The following SEMA6D variants were observed in gnomAD, a reference collection of about 807,000 sequenced individuals.
SEMA6D encodes the protein semaphorin-6D.
Under a neutral mutation model 106.6 loss-of-function variants are expected in SEMA6D, and 35 were observed. The ratio of observed to expected loss-of-function variants is 0.33; its 90% CI spans 0.25 to 0.44. The LOEUF (loss-of-function observed/expected upper bound fraction) is 0.44, where lower values mean the gene tolerates loss of function less well. Among genes scored for constraint, SEMA6D ranks in the 20% least tolerant of loss-of-function variants. The probability of loss-of-function intolerance (pLI) is 1.00; values close to 1 mark genes in which losing one functional copy is unlikely to be tolerated. For missense variants in SEMA6D, 1,185 were observed against 1,345.9 expected (o/e 0.88, Z 1.87); for synonymous variants, 499 against 487.7 (o/e 1.02, Z -0.31).
intron 1 of SEMA6D, among the ~76,000 whole-genome samples, chr15:47,274,554 TGAAAA>T (rs1291283095): frequency 1.3e-5 from 2 of 152,044 alleles, no homozygotes; most frequent in Non-Finnish European, 2.9e-5. Flanking sequence ...TAAGAAAAGT[TGAAAA>T]GGAATCAGAG....
At chr15:47,277,833 A>G (rs111485765) in intron 1 of SEMA6D, among the ~76,000 whole-genome samples, 60,314 of 147,024 alleles carry the variant, frequency 0.41, 15,197 homozygotes, top group Non-Finnish European at 0.56. Flanking sequence ...TCATTGTTCA[A>G]TTCCCACCTA....
intron 1 of SEMA6D, among the ~76,000 whole-genome samples, chr15:47,321,332 A>G (rs778125519): frequency 8.3e-4 from 127 of 152,300 alleles, no homozygotes; most frequent in African/African-American, 2.8e-3. Context: ...AGTGACTAAT[A>G]TGAAATATTT....
intron 4 of SEMA6D, among the ~76,000 whole-genome samples, chr15:47,668,938 G>A (rs904150677): frequency 1.3e-5 from 2 of 152,050 alleles, no homozygotes; most frequent in Non-Finnish European, 2.9e-5. Context: ...TCTTTTTGTT[G>A]CCTCTCCTTT....
At chr15:47,543,573 A>G (rs951746533) in intron 3 of SEMA6D, among the ~76,000 whole-genome samples, 18 of 152,150 alleles carry the variant, frequency 1.2e-4, no homozygotes, top group Non-Finnish European at 4.4e-5. Flanking sequence ...TAGCAGCATG[A>G]CAACAAACTA....
chr15:47,235,264 A>C (rs981084570), intron 1 of SEMA6D, among the ~76,000 whole-genome samples: 2 of 151,906 alleles, frequency 1.3e-5, no homozygotes, highest in African/African-American at 4.8e-5. Context: ...CATAATTTGC[A>C]AATATTTTCT....
intron 3 of SEMA6D, among the ~76,000 whole-genome samples, chr15:47,484,409 G>A (rs1325773569): frequency 1.3e-5 from 2 of 151,464 alleles, no homozygotes; most frequent in East Asian, 3.9e-4. Context: ...TGTGCCAGCA[G>A]TAGCAAGGCA....
chr15:47,245,761 CTGTT>C (rs2033160941), intron 1 of SEMA6D, among the ~76,000 whole-genome samples: 1 of 152,070 alleles, frequency 6.6e-6, no homozygotes, highest in Admixed American at 6.6e-5. Flanking sequence ...TTTCAGAGAT[CTGTT>C]TGTATCCTGA....
intron 1 of SEMA6D, among the ~76,000 whole-genome samples, chr15:47,361,709 C>G (rs573272346): frequency 1.3e-5 from 2 of 152,306 alleles, no homozygotes; most frequent in South Asian, 2.1e-4. Flanking sequence ...CAATCTGCCT[C>G]CCTCGCACAT....
chr15:47,322,299 A>G (rs1393645064), intron 1 of SEMA6D, among the ~76,000 whole-genome samples: 1 of 144,976 alleles, frequency 6.9e-6, no homozygotes, highest in Admixed American at 6.9e-5. Flanking sequence ...TTTTTTGCCT[A>G]ATGTCATTTT....
At chr15:47,306,986 G>A (rs1404616283) in intron 1 of SEMA6D, among the ~76,000 whole-genome samples, 1 of 152,186 alleles carries the variant, frequency 6.6e-6, no homozygotes, top group Non-Finnish European at 1.5e-5. Context: ...AAGTACACAA[G>A]CATAACATTA....
At chr15:47,738,928 A>G (rs1483676775) in intron 1 of SEMA6D, among the ~76,000 whole-genome samples, 2 of 152,188 alleles carry the variant, frequency 1.3e-5, no homozygotes, top group Non-Finnish European at 2.9e-5. Context: ...GGGCTCAGCT[A>G]GGGCTGACAG....
intron 1 of SEMA6D, among the ~76,000 whole-genome samples, chr15:47,327,121 TC>T (rs2143920529): frequency 6.6e-6 from 1 of 152,276 alleles, no homozygotes; most frequent in Non-Finnish European, 1.5e-5. Context: ...GGCCTTGGCA[TC>T]CCCTGGAACT....
intron 3 of SEMA6D, among the ~76,000 whole-genome samples, chr15:47,474,744 G>A (rs1009784787): frequency 3.9e-5 from 6 of 152,178 alleles, no homozygotes; most frequent in Non-Finnish European, 8.8e-5. Context: ...TGGTCCCTTT[G>A]TCATTTTCCC....
chr15:47,198,156 G>A (rs62017388), intron 1 of SEMA6D, among the ~76,000 whole-genome samples: 1,864 of 152,220 alleles, frequency 0.012, 42 homozygotes, highest in Admixed American at 0.012. Flanking sequence ...TAGATGTGGA[G>A]AGTAGGATGG....
intron 1 of SEMA6D, chr15:47,274,084 G>A (rs762022180): frequency 1.3e-5 from 2 of 152,148 alleles, no homozygotes; most frequent in South Asian, 2.1e-4. Context: ...CATTATTGCT[G>A]TGTGGGCAAC....
At chr15:47,243,658 G>C (rs1056700053) in intron 1 of SEMA6D, among the ~76,000 whole-genome samples, 16 of 152,126 alleles carry the variant, frequency 1.1e-4, no homozygotes, top group African/African-American at 3.6e-4. Context: ...ACAATGCCTT[G>C]ATATGGAAAA....
intron 4 of SEMA6D, among the ~76,000 whole-genome samples, chr15:47,684,423 G>A (rs1269311539): frequency 6.6e-6 from 1 of 151,954 alleles, no homozygotes; most frequent in Non-Finnish European, 1.5e-5. Context: ...AGTTATCGCT[G>A]TATCAGATAT....
chr15:47,346,935 G>A (rs606602), intron 1 of SEMA6D, among the ~76,000 whole-genome samples: 70,725 of 151,184 alleles, frequency 0.47, 19,626 homozygotes, highest in South Asian at 0.61. Context: ...TTTTGAGATG[G>A]AGTCTCTCTG....
At chr15:47,581,376 TAAAC>T (rs1254684363) in intron 3 of SEMA6D, 2 of 494,068 alleles carry the variant, frequency 4.0e-6, no homozygotes, top group Non-Finnish European at 8.1e-6. Context: ...AACTGCCAAA[TAAAC>T]AAGATAATTC....
Sources: gnomAD v4.1 joint callset for allele counts (sites outside exome capture counted in the v4.1 genomes callset) on GRCh38, gnomAD v4.1.1 for gene constraint, MANE v1.5 for transcripts, NCBI Gene and HGNC (gene_info 2026-07-23, HGNC 2026-07-21) for gene names.